Variants in CARNMT1 observed in about 807,000 individuals in gnomAD.
CARNMT1 encodes the protein protein-L-histidine N-pros-methyltransferase CARNMT1.
A neutral mutation model predicts 49.6 loss-of-function variants in CARNMT1; 28 were observed. That is an observed-to-expected ratio of 0.56 (90% CI 0.42 to 0.77). CARNMT1 has a LOEUF of 0.77. Among genes scored for constraint, CARNMT1 ranks in the 30% least tolerant of loss-of-function variants. The pLI, the probability that CARNMT1 is intolerant of heterozygous loss-of-function variation, is 0.00. For synonymous variants in CARNMT1, 178 were observed against 175.0 expected, an observed-to-expected ratio of 1.02 and a Z score of -0.13; for missense variants, 421 against 512.6, an observed-to-expected ratio of 0.82 and a Z score of 1.73.
At chr9:75,001,391 A>C (rs752416589) in intron 3 of CARNMT1, among the ~76,000 whole-genome samples, 1 of 152,170 alleles carries the variant, frequency 6.6e-6, no homozygotes, top group Non-Finnish European at 1.5e-5. Context: ...TCCTTAACTA[A>C]ACAGAACCAT....
At chr9:75,004,459 C>G (rs1345426873) in intron 3 of CARNMT1, among the ~76,000 whole-genome samples, 1 of 152,126 alleles carries the variant, frequency 6.6e-6, no homozygotes, top group Non-Finnish European at 1.5e-5. Flanking sequence ...TGTTATTCTT[C>G]TAGATCTGTA....
rs1347234034 is a variant in CARNMT1, at chr9:74,983,981, T to C, written c.1129-113A>G. 1.9e-5 allele frequency: 11 copies of C among 578,132 alleles called. No homozygotes were observed. In the East Asian group the frequency reaches 3.3e-4, roughly 17 times the overall value. The allele number at this position is 578,132 out of a possible 1,614,324, so 35.8% of individuals were successfully genotyped here. A position where few individuals can be genotyped will look rare whatever the true frequency, so the allele number is the denominator to read the frequency against. On this transcript the variant is annotated intron_variant, in intron 7 of 7. Coordinates refer to ENST00000376834, the MANE Select transcript of CARNMT1 (RefSeq NM_152420.3). ...GCACTATTTTAAGCATATTCATTTA[T>C]TACATACAACTACCCCCATAAGAGA...
intron 3 of CARNMT1, among the ~76,000 whole-genome samples, chr9:75,012,108 G>A (rs770821485): frequency 3.3e-5 from 5 of 152,264 alleles, no homozygotes; most frequent in Non-Finnish European, 2.9e-5. Context: ...CATACCCGAT[G>A]AAAGGAACTG....
intron 3 of CARNMT1, among the ~76,000 whole-genome samples, chr9:75,013,792 C>T (rs1833767041): frequency 6.6e-6 from 1 of 151,776 alleles, no homozygotes; most frequent in South Asian, 2.1e-4. Context: ...TCACTTGAGG[C>T]CGGGAGTTCA....
rs1832677073 is a variant in CARNMT1 at position 74,980,947 on chromosome 9, T to C, written c.*2820A>G. 6.6e-6 allele frequency: 1 copy of C among 152,180 alleles called. No homozygotes were observed. Among genetic ancestry groups the C allele is most frequent in the Non-Finnish European group, 1.5e-5 (1 of 68,010 alleles). 9.4% of individuals were successfully genotyped at this position (152,180 alleles called of 1,614,324 possible). ...ATAGGCTAATCCAAGAGTTCAAAAG[T>C]ATATATGCTCAACTCATTAAAATCC... On this transcript the variant is annotated 3_prime_UTR_variant, in exon 8 of 8. Transcript: ENST00000376834.
chr9:75,024,700 T>C (rs772957653), intron 1 of CARNMT1, among the ~76,000 whole-genome samples: 4 of 152,190 alleles, frequency 2.6e-5, no homozygotes, highest in Non-Finnish European at 4.4e-5. Flanking sequence ...TTTATGACCT[T>C]TTATCTAAAT....
chr9:75,001,066 G>A (rs1162194260), intron 3 of CARNMT1, among the ~76,000 whole-genome samples: 1 of 151,710 alleles, frequency 6.6e-6, no homozygotes, highest in Non-Finnish European at 1.5e-5. Flanking sequence ...GTTCCCATCT[G>A]TCCAATCATA....
chr9:75,016,080 A>T (rs750376185), intron 3 of CARNMT1, 188 bp downstream of exon 3: 63 of 443,830 alleles, frequency 1.4e-4, no homozygotes, highest in Non-Finnish European at 2.3e-4. Flanking sequence ...GCACCAGCAT[A>T]AAAATTATTC....
At chr9:74,988,842 CCT>C (rs768117498) in intron 6 of CARNMT1, among the ~76,000 whole-genome samples, 7 of 152,096 alleles carry the variant, frequency 4.6e-5, no homozygotes, top group Non-Finnish European at 8.8e-5. Context: ...TTTGCCAACC[CCT>C]GACTAAATGT....
intron 3 of CARNMT1, among the ~76,000 whole-genome samples, chr9:75,001,097 C>T (rs1245634250): frequency 2.0e-5 from 3 of 151,994 alleles, no homozygotes; most frequent in African/African-American, 7.3e-5. Context: ...CTACCCTTAC[C>T]CCAGCAAGTG....
At chr9:74,992,038 G>A (rs1483850692) in intron 6 of CARNMT1, among the ~76,000 whole-genome samples, 1 of 152,164 alleles carries the variant, frequency 6.6e-6, no homozygotes, top group Non-Finnish European at 1.5e-5. Context: ...TTGGGAGGCT[G>A]AGGCAGGTGG....
chr9:75,020,267 C>CTTTTTTTTTTTT (rs200444980), intron 1 of CARNMT1, among the ~76,000 whole-genome samples: 1 of 124,294 alleles, frequency 8.0e-6, no homozygotes, highest in African/African-American at 3.1e-5. Context: ...CATTTTTCTT[C>CTTTTTTTTTTTT]TTTTTTTTTT....
intron 3 of CARNMT1, chr9:75,015,815 T>C (rs1046697267): frequency 6.8e-6 from 1 of 147,764 alleles, no homozygotes; most frequent in Non-Finnish European, 1.5e-5. Context: ...AATAAATAAA[T>C]AAAATAAAAA....
chr9:75,026,072 G>A (rs1822519459), intron 1 of CARNMT1, among the ~76,000 whole-genome samples: 1 of 152,060 alleles, frequency 6.6e-6, no homozygotes, highest in African/African-American at 2.4e-5. Flanking sequence ...ATTTTAAAAA[G>A]CATATTTTTG....
intron 3 of CARNMT1, among the ~76,000 whole-genome samples, chr9:75,004,004 T>C (rs1043962752): frequency 1.3e-5 from 2 of 152,200 alleles, no homozygotes; most frequent in African/African-American, 4.8e-5. Flanking sequence ...GCCTCCCAAA[T>C]TGCTGGGACT....
intron 6 of CARNMT1, among the ~76,000 whole-genome samples, chr9:74,994,937 A>C (rs1023306463): frequency 6.6e-6 from 1 of 152,188 alleles, no homozygotes; most frequent in Non-Finnish European, 1.5e-5. Context: ...ACAGATCATA[A>C]GTCACACTAT....
At chr9:75,016,231 A>G (rs1402649864) in intron 3 of CARNMT1, 37 bp downstream of exon 3, 4 of 1,487,688 alleles carry the variant, frequency 2.7e-6, no homozygotes, top group Admixed American at 3.5e-5. Flanking sequence ...GTGTTCATAC[A>G]CTTTAAAAAC....
In CARNMT1 at chr9:75,008,567, A is replaced by G. The variant is rs189580976; in HGVS notation, c.590+7701T>C. Among the ~76,000 whole-genome samples, 223 of 152,262 alleles carry G rather than the reference A, an allele frequency of 1.5e-3. 2 individuals carry two copies. The highest frequency in any genetic ancestry group is 6.8e-3 in the Middle Eastern group (2 of 294). On this transcript the variant is annotated intron_variant, in intron 3 of 7. Coordinates refer to ENST00000376834, the MANE Select transcript of CARNMT1 (RefSeq NM_152420.3). The stretch of plus-strand genomic sequence containing the variant: ...GTGATCCACCTGCCTCGGCCCCCCA[A>G]AGTGCTGGGATTACAGGCATGAGCC...
rs10569961 is a variant in CARNMT1 at position 75,005,827 on chromosome 9, A to AACACACACAC, written c.591-5967_591-5958dup. 2.7e-3 allele frequency among the ~76,000 whole-genome samples: 367 copies of AACACACACAC among 135,800 alleles called. 1 individual carries two copies. The highest frequency in any genetic ancestry group is 5.2e-3 in the Admixed American group (69 of 13,316). The allele number at this position is 135,800 out of a possible 152,430, so 89.1% of individuals were successfully genotyped here. A position where few individuals can be genotyped will look rare whatever the true frequency, so the allele number is the denominator to read the frequency against. On this transcript the variant is annotated intron_variant, in intron 3 of 7. Coordinates refer to ENST00000376834, the MANE Select transcript of CARNMT1 (RefSeq NM_152420.3). Reference sequence around the variant, plus strand: ...TAGAAAAGGCCTTCAGTGAAATTAAAACACACACACACACACACACACACA... The same window carrying AACACACACAC: ...TAGAAAAGGCCTTCAGTGAAATTAAAACACACACACACACACACACACACACACACACACA...
Sources: allele counts gnomAD v4.1 joint callset (sites outside exome capture counted in the v4.1 genomes callset), GRCh38; gene constraint gnomAD v4.1.1; transcripts MANE v1.5; gene names NCBI Gene and HGNC (gene_info 2026-07-23, HGNC 2026-07-21).